CD53: variants seen among roughly 807,000 people sequenced by gnomAD.
CD53 encodes leukocyte surface antigen CD53.
Under a neutral mutation model 27.3 loss-of-function variants are expected in CD53, and 20 were observed. The ratio of observed to expected loss-of-function variants is 0.73; its 90% CI spans 0.52 to 1.07. CD53 has a LOEUF of 1.07. Among genes scored for constraint, CD53 ranks in the 50% least tolerant of loss-of-function variants. The pLI is 0.00. For missense variants in CD53, 216 were observed against 264.0 expected (o/e 0.82, Z 1.26); for synonymous variants, 106 against 105.3 (o/e 1.01, Z -0.04).
intron 4 of CD53, 84 bp downstream of exon 4, chr1:110,894,485 T>C (rs1656979957): frequency 4.9e-6 from 5 of 1,010,552 alleles, no homozygotes; most frequent in Non-Finnish European, 7.9e-6. Flanking sequence ...AGTTACAGAA[T>C]AAGTTCTATA....
At chr1:110,885,876 AT>A (rs1469272142) in intron 1 of CD53, among the ~76,000 whole-genome samples, 12 of 152,180 alleles carry the variant, frequency 7.9e-5, no homozygotes, top group African/African-American at 2.9e-4. Flanking sequence ...AAAAATAAAA[AT>A]AAAAATGAAT....
At chr1:110,891,295 C>A in intron 1 of CD53, 97 bp from the exon 2 acceptor site, 1 of 868,712 alleles carries the variant, frequency 1.2e-6, no homozygotes, top group Admixed American at 1.8e-5. Context: ...CAGCTCAAAC[C>A]CAAGGTAATG....
intron 1 of CD53, among the ~76,000 whole-genome samples, chr1:110,886,867 A>T (rs12145488): frequency 0.031 from 1,277 of 41,242 alleles, 7 homozygotes; most frequent in South Asian, 0.067. Context: ...ATATATATAT[A>T]TATTTTTTTT....
At chr1:110,878,221 T>C (rs1230760900) in intron 1 of CD53, among the ~76,000 whole-genome samples, 2 of 152,170 alleles carry the variant, frequency 1.3e-5, no homozygotes, top group Non-Finnish European at 2.9e-5. Context: ...GAACTATCTA[T>C]TATGTATCTC....
chr1:110,880,990 A>G (rs577545973), intron 1 of CD53, among the ~76,000 whole-genome samples: 2 of 152,344 alleles, frequency 1.3e-5, no homozygotes, highest in Admixed American at 6.5e-5. Flanking sequence ...GCAAAGAAAC[A>G]CATTACCAAA....
upstream of CD53, among the ~76,000 whole-genome samples, chr1:110,871,380 G>C (rs1655957947): frequency 6.6e-6 from 1 of 152,170 alleles, no homozygotes; most frequent in South Asian, 2.1e-4. Context: ...GGTGGTGTGG[G>C]AGAGAGAGTA....
At chr1:110,873,771 C>G (rs928386621) in intron 1 of CD53, among the ~76,000 whole-genome samples, 1 of 152,122 alleles carries the variant, frequency 6.6e-6, no homozygotes, top group Non-Finnish European at 1.5e-5. Flanking sequence ...GGCTAAAAAT[C>G]AAAACACCAG....
chr1:110,889,555 CAAATAAATAAATAAAT>C (rs57083589), intron 1 of CD53, among the ~76,000 whole-genome samples: 1 of 146,236 alleles, frequency 6.8e-6, no homozygotes, highest in Non-Finnish European at 1.5e-5. Flanking sequence ...AAAACTCCGT[CAAATAAATAAATAAAT>C]AAATAAATAA....
intron 1 of CD53, among the ~76,000 whole-genome samples, chr1:110,889,959 G>A (rs1656788181): frequency 6.6e-6 from 1 of 152,134 alleles, no homozygotes. Context: ...AGAGCACAAA[G>A]TAAAGGAAAA....
At chr1:110,894,931 G>T in intron 4 of CD53, 29 bp from the exon 5 acceptor site, 1 of 1,561,406 alleles carries the variant, frequency 6.4e-7, no homozygotes, top group Non-Finnish European at 8.8e-7. Context: ...TTTTTACCAT[G>T]TCTCCTCTGC....
chr1:110,887,173 C>G (rs1042440048), intron 1 of CD53, among the ~76,000 whole-genome samples: 2 of 152,038 alleles, frequency 1.3e-5, no homozygotes, highest in Non-Finnish European at 2.9e-5. Flanking sequence ...ACGCCATTCT[C>G]CTGCCTCAGC....
chr1:110,889,870 A>T (rs1245900387), intron 1 of CD53, among the ~76,000 whole-genome samples: 1 of 152,202 alleles, frequency 6.6e-6, no homozygotes, highest in Non-Finnish European at 1.5e-5. Flanking sequence ...TTATAATCTA[A>T]TTTATTTTAT....
chr1:110,872,709 G>A (rs905563237), upstream of CD53, among the ~76,000 whole-genome samples: 4 of 152,182 alleles, frequency 2.6e-5, no homozygotes, highest in Non-Finnish European at 4.4e-5. Context: ...TCTTCAGAAA[G>A]ACATTCCAAA....
Position 110,880,520 on chromosome 1 carries a change from AC to A in CD53, c.-18+7273del, listed in dbSNP as rs368812648. Among the ~76,000 whole-genome samples the A allele has an allele frequency of 1.1e-4, 17 of 152,288 alleles. No individual in the cohort carries two copies. In the East Asian group the frequency reaches 2.9e-3, roughly 26 times the overall value. ...GTTACACGGGCCTGAACTAATTGTC[AC>A]AGGATACCAGGATGTTGGGGCTGAT... On this transcript the variant is annotated intron_variant, in intron 1 of 7. Transcript: ENST00000271324.
intron 1 of CD53, among the ~76,000 whole-genome samples, chr1:110,876,640 T>C (rs1656140436): frequency 6.6e-6 from 1 of 152,070 alleles, no homozygotes; most frequent in Non-Finnish European, 1.5e-5. Context: ...AATAAAGGCA[T>C]TCAAGAATTA....
intron 1 of CD53, among the ~76,000 whole-genome samples, chr1:110,887,925 C>T (rs180881840): frequency 1.8e-4 from 28 of 152,290 alleles, no homozygotes; most frequent in African/African-American, 5.3e-4. Flanking sequence ...GTGATTAAAT[C>T]AAACATCTCG....
At chr1:110,882,231 C>T (rs1240461995) in intron 1 of CD53, among the ~76,000 whole-genome samples, 5 of 152,104 alleles carry the variant, frequency 3.3e-5, no homozygotes, top group African/African-American at 1.2e-4. Flanking sequence ...TGGATTTTAC[C>T]TTTAGATCTA....
At chr1:110,872,835 A>G (rs114914216), upstream of CD53, among the ~76,000 whole-genome samples, 862 of 152,322 alleles carry the variant, frequency 5.7e-3, 15 homozygotes, top group African/African-American at 0.02. Context: ...ACAAATACAC[A>G]GTTAATTCTG....
intron 1 of CD53, among the ~76,000 whole-genome samples, chr1:110,884,537 C>T (rs1656491046): frequency 6.6e-6 from 1 of 152,128 alleles, no homozygotes; most frequent in Non-Finnish European, 1.5e-5. Flanking sequence ...CTGATTCCAT[C>T]AACTATTGAG....
Sources: gnomAD v4.1 joint callset for allele counts (sites outside exome capture counted in the v4.1 genomes callset) on GRCh38, gnomAD v4.1.1 for gene constraint, MANE v1.5 for transcripts, NCBI Gene and HGNC (gene_info 2026-07-23, HGNC 2026-07-21) for gene names.